MAP4K3: variants seen among roughly 807,000 people sequenced by gnomAD.
MAP4K3 encodes MAPK/ERK kinase kinase kinase 3.
A neutral mutation model predicts 143.5 loss-of-function variants in MAP4K3; 94 were observed. That is an observed-to-expected ratio of 0.65 (90% CI 0.55 to 0.78). MAP4K3 has a LOEUF of 0.78. Ranked by LOEUF, MAP4K3 falls within the 30% of genes least tolerant of loss-of-function variation. The probability of loss-of-function intolerance (pLI) is 0.00; values close to 1 mark genes in which losing one functional copy is unlikely to be tolerated. For synonymous variants in MAP4K3, 416 were observed against 347.2 expected (o/e 1.20, Z -2.20); for missense variants, 1,077 against 1,068.1 (o/e 1.01, Z -0.12).
chr2:39,260,782 A>T lies in MAP4K3; in HGVS notation c.2137-5T>A. ...TGGTATAGGAAAATCTATGTGCTAG[A>T]GAAAGAAACAAAAATACATTAAACC... On this transcript the variant is annotated splice_region_variant and splice_polypyrimidine_tract_variant and intron_variant, in intron 28 of 33. Coordinates refer to ENST00000263881, the MANE Select transcript of MAP4K3 (RefSeq NM_003618.4). 6.3e-7 allele frequency: 1 copy of T among 1,595,188 alleles called. No individual in the cohort carries two copies. The highest frequency in any genetic ancestry group is 8.6e-7 in the Non-Finnish European group (1 of 1,167,374).
chr2:39,288,602 C>T (rs985703089), intron 19 of MAP4K3, among the ~76,000 whole-genome samples: 1 of 152,096 alleles, frequency 6.6e-6, no homozygotes, highest in African/African-American at 2.4e-5. Flanking sequence ...TTCTTATCTC[C>T]TTCAATTTAA....
intron 12 of MAP4K3, among the ~76,000 whole-genome samples, chr2:39,320,071 A>T (rs1683252927): frequency 6.6e-6 from 1 of 152,168 alleles, no homozygotes; most frequent in Non-Finnish European, 1.5e-5. Flanking sequence ...GACTTCCCTA[A>T]CAAAAGTTGG....
intron 12 of MAP4K3, among the ~76,000 whole-genome samples, chr2:39,322,002 A>G (rs1278716152): frequency 6.6e-6 from 1 of 152,044 alleles, no homozygotes; most frequent in African/African-American, 2.4e-5. Context: ...CCATATGTTG[A>G]ACGCTGGTCC....
intron 31 of MAP4K3, among the ~76,000 whole-genome samples, chr2:39,255,440 C>T (rs1352733680): frequency 6.6e-6 from 1 of 151,932 alleles, no homozygotes; most frequent in African/African-American, 2.4e-5. Flanking sequence ...GCAATTGTAC[C>T]AGCATCATTT....
At chr2:39,315,545 A>C (rs1683089179) in intron 12 of MAP4K3, 157 bp from the exon 13 acceptor site, 1 of 550,020 alleles carries the variant, frequency 1.8e-6, no homozygotes, top group Non-Finnish European at 3.2e-6. Flanking sequence ...AGCAAACCAC[A>C]ATAGCAGCTC....
chr2:39,365,517 T>G (rs2148564175), intron 2 of MAP4K3, among the ~76,000 whole-genome samples: 1 of 143,554 alleles, frequency 7.0e-6, no homozygotes, highest in African/African-American at 2.6e-5. Flanking sequence ...CAATCTCGGC[T>G]CACTGCAAGC....
intron 1 of MAP4K3, among the ~76,000 whole-genome samples, chr2:39,434,974 A>C (rs1448700380): frequency 1.3e-5 from 2 of 152,276 alleles, no homozygotes; most frequent in East Asian, 3.9e-4. Context: ...CATGTGGCTT[A>C]ACTACTAACT....
intron 1 of MAP4K3, among the ~76,000 whole-genome samples, chr2:39,431,492 C>A (rs944644459): frequency 6.6e-6 from 1 of 152,114 alleles, no homozygotes; most frequent in South Asian, 2.1e-4. Context: ...AACCTGGATC[C>A]ATCCCTGAAC....
chr2:39,250,472 T>C lies in MAP4K3; in HGVS notation c.*146A>G. 1.4e-6 allele frequency: 1 copy of C among 699,484 alleles called. No individual in the cohort carries two copies. Among genetic ancestry groups the C allele is most frequent in the South Asian group, 2.3e-5 (1 of 43,594 alleles). 43.3% of individuals were successfully genotyped at this position (699,484 alleles called of 1,614,324 possible). ...TATATCCATACCACTTAAAACAAAATTTTCCCCATCTTATCTCATGCCACA... is the reference window on the plus strand; with the variant it reads ...TATATCCATACCACTTAAAACAAAACTTTCCCCATCTTATCTCATGCCACA... On this transcript the variant is annotated 3_prime_UTR_variant, in exon 34 of 34. Transcript: ENST00000263881.
At chr2:39,272,658 A>G (rs1175000403) in intron 24 of MAP4K3, 116 bp from the exon 25 acceptor site, 2 of 717,184 alleles carry the variant, frequency 2.8e-6, no homozygotes, top group Non-Finnish European at 4.8e-6. Flanking sequence ...AAAGTAAATT[A>G]TTTTTAACAT....
intron 1 of MAP4K3, among the ~76,000 whole-genome samples, chr2:39,423,929 T>C (rs1664975585): frequency 1.3e-5 from 2 of 152,160 alleles, no homozygotes; most frequent in Non-Finnish European, 2.9e-5. Flanking sequence ...ATAATAATAA[T>C]GTATCAGTAT....
At chr2:39,353,750 G>T (rs2148548942) in intron 3 of MAP4K3, among the ~76,000 whole-genome samples, 1 of 141,738 alleles carries the variant, frequency 7.1e-6, no homozygotes, top group South Asian at 2.1e-4. Context: ...AGCAGCAGCA[G>T]CAGCAGCAGC....
In MAP4K3 at chr2:39,422,574, T is replaced by A. The variant is rs145737858; in HGVS notation, c.96+14318A>T. On this transcript the variant is annotated intron_variant, in intron 1 of 33. Transcript: ENST00000263881. ...CTGTGGTACTTTCTAATAGAAGCTA[T>A]AGCAAATTAACACAAGAGTCCAGAA... 3.0e-4 allele frequency among the ~76,000 whole-genome samples: 45 copies of A among 152,202 alleles called. No homozygotes were observed. In the East Asian group the frequency reaches 8.5e-3, roughly 29 times the overall value.
chr2:39,393,790 A>G (rs1037433238), intron 1 of MAP4K3, among the ~76,000 whole-genome samples: 1 of 152,140 alleles, frequency 6.6e-6, no homozygotes, highest in African/African-American at 2.4e-5. Flanking sequence ...CAAGTCCCAT[A>G]GCAGCCCCTG....
chr2:39,367,054 G>A (rs1432256310), intron 2 of MAP4K3, among the ~76,000 whole-genome samples: 1 of 152,070 alleles, frequency 6.6e-6, no homozygotes, highest in Non-Finnish European at 1.5e-5. Flanking sequence ...TGAGAATGAA[G>A]AAAACAACCC....
chr2:39,266,300 C>T (rs115212972), intron 27 of MAP4K3, among the ~76,000 whole-genome samples: 4,144 of 152,242 alleles, frequency 0.027, 93 homozygotes, highest in Non-Finnish European at 0.043. Flanking sequence ...GACATCTTTT[C>T]CCTTCACACC....
In MAP4K3 at chr2:39,335,469, C is replaced by T. The variant is rs554608654; in HGVS notation, c.414+1451G>A. On this transcript the variant is annotated intron_variant, in intron 6 of 33. Transcript: ENST00000263881. Reference sequence around the variant, plus strand: ...GCACACAAGTCCTTGCATAATGGAACATCAAACTACCCAACCAGTCCCATC... The same window carrying T: ...GCACACAAGTCCTTGCATAATGGAATATCAAACTACCCAACCAGTCCCATC... 2.6e-5 allele frequency among the ~76,000 whole-genome samples: 4 copies of T among 152,308 alleles called. No individual in the cohort carries two copies. The East Asian group carries it at 7.7e-4, about 29-fold the overall frequency.
chr2:39,360,180 T>G (rs1442346117), intron 2 of MAP4K3, among the ~76,000 whole-genome samples: 1 of 152,174 alleles, frequency 6.6e-6, no homozygotes, highest in African/African-American at 2.4e-5. Context: ...TCTCTCAAGT[T>G]CAAAGCTCCA....
intron 1 of MAP4K3, among the ~76,000 whole-genome samples, chr2:39,413,046 G>C (rs540672065): frequency 2.0e-5 from 3 of 152,294 alleles, no homozygotes; most frequent in African/African-American, 4.8e-5. Context: ...CTAACGAGGA[G>C]AAACCCAACA....
Sources: allele counts gnomAD v4.1 joint callset (sites outside exome capture counted in the v4.1 genomes callset), GRCh38; gene constraint gnomAD v4.1.1; transcripts MANE v1.5; gene names NCBI Gene and HGNC (gene_info 2026-07-23, HGNC 2026-07-21).